ADAMTS17: variants seen among roughly 807,000 people sequenced by gnomAD.
ADAMTS17 encodes the protein A disintegrin and metalloproteinase with thrombospondin motifs 17.
Under a neutral mutation model 141.5 loss-of-function variants are expected in ADAMTS17, and 113 were observed. The ratio of observed to expected loss-of-function variants is 0.80; its 90% CI spans 0.69 to 0.93. The LOEUF is 0.93. Ranked by LOEUF, ADAMTS17 falls within the 40% of genes least tolerant of loss-of-function variation. ADAMTS17 has a pLI of 0.00. For synonymous variants in ADAMTS17, 768 were observed against 630.6 expected (o/e 1.22, Z -3.27); for missense variants, 1,659 against 1,517.9 (o/e 1.09, Z -1.54).
Position 99,971,524 on chromosome 15 carries a change from G to T in ADAMTS17, c.*2878C>A, listed in dbSNP as rs886050950. The T allele has an allele frequency of 6.6e-6, 1 of 152,148 alleles. No individual in the cohort carries two copies. Among genetic ancestry groups the T allele is most frequent in the Non-Finnish European group, 1.5e-5 (1 of 68,044 alleles). The allele number at this position is 152,148 out of a possible 1,614,324, so 9.4% of individuals were successfully genotyped here. The stretch of plus-strand genomic sequence containing the variant: ...CTATATAATTTTCATGTATAATGGC[G>T]TCCAATGTTTGTCTTCCGTTTTTTT... On this transcript the variant is annotated 3_prime_UTR_variant, in exon 22 of 22. Transcript: ENST00000268070.
intron 7 of ADAMTS17, among the ~76,000 whole-genome samples, chr15:100,237,910 C>T (rs2042709142): frequency 6.6e-6 from 1 of 152,278 alleles, no homozygotes; most frequent in African/African-American, 2.4e-5. Flanking sequence ...AGGTGTGAGC[C>T]CACTGTGCCC....
At chr15:100,301,323 T>TTATATA (rs140913683) in intron 3 of ADAMTS17, among the ~76,000 whole-genome samples, 9 of 145,924 alleles carry the variant, frequency 6.2e-5, no homozygotes, top group Non-Finnish European at 1.3e-4. Context: ...TCTATGTGAG[T>TTATATA]TATATATATA....
intron 8 of ADAMTS17, among the ~76,000 whole-genome samples, chr15:100,182,913 G>T (rs1392252152): frequency 6.6e-6 from 1 of 152,092 alleles, no homozygotes; most frequent in Admixed American, 6.6e-5. Flanking sequence ...CACTTAATTG[G>T]GATGTTTTCG....
intron 18 of ADAMTS17, among the ~76,000 whole-genome samples, chr15:100,001,390 G>A (rs924999938): frequency 1.3e-5 from 2 of 150,170 alleles, no homozygotes; most frequent in African/African-American, 4.9e-5. Flanking sequence ...AGTGGTTGGA[G>A]CACAGAGAAT....
At chr15:100,167,313 AG>A (rs1323094206) in intron 8 of ADAMTS17, among the ~76,000 whole-genome samples, 5 of 152,232 alleles carry the variant, frequency 3.3e-5, no homozygotes, top group Non-Finnish European at 7.3e-5. Flanking sequence ...ATTAGTGGCC[AG>A]GTGTAGACAT....
chr15:100,299,691 G>A (rs1209742874), intron 3 of ADAMTS17, among the ~76,000 whole-genome samples: 1 of 152,112 alleles, frequency 6.6e-6, no homozygotes, highest in Non-Finnish European at 1.5e-5. Flanking sequence ...TTGACAGATG[G>A]TCTTTCATCT....
At chr15:100,101,311 T>A (rs568142029) in intron 14 of ADAMTS17, among the ~76,000 whole-genome samples, 1 of 152,358 alleles carries the variant, frequency 6.6e-6, no homozygotes, top group African/African-American at 2.4e-5. Flanking sequence ...AATGATCACG[T>A]TTGTGAGCTG....
At chr15:100,041,443 C>T (rs2031245512) in intron 18 of ADAMTS17, among the ~76,000 whole-genome samples, 1 of 152,256 alleles carries the variant, frequency 6.6e-6, no homozygotes, top group South Asian at 2.1e-4. Flanking sequence ...GACGTGTCCA[C>T]TTCATTGGCA....
chr15:100,124,968 G>A (rs2037654607), intron 12 of ADAMTS17, among the ~76,000 whole-genome samples: 2 of 152,330 alleles, frequency 1.3e-5, no homozygotes, highest in East Asian at 1.9e-4. Flanking sequence ...GGATGGACAG[G>A]TAGAATCAAG....
intron 3 of ADAMTS17, among the ~76,000 whole-genome samples, chr15:100,326,613 T>C (rs2045909047): frequency 6.6e-6 from 1 of 152,242 alleles, no homozygotes; most frequent in Non-Finnish European, 1.5e-5. Context: ...AAGTGTGTGA[T>C]GGCTGGCAAA....
chr15:100,226,804 T>C (rs2042325938), intron 7 of ADAMTS17, among the ~76,000 whole-genome samples: 1 of 152,160 alleles, frequency 6.6e-6, no homozygotes, highest in African/African-American at 2.4e-5. Context: ...GAGAATTCAT[T>C]GGTTGGTTTG....
chr15:100,289,524 ACACACATACACACATACACACACT>A lies in ADAMTS17; in HGVS notation c.617-8147_617-8124del, dbSNP rs1453048590. On this transcript the variant is annotated intron_variant, in intron 3 of 21. Transcript: ENST00000268070. ...ATTCTGATGCCAAAACCTTGCAGAC[ACACACATACACACATACACACACT>A]CACACACACACACACACACACACTC... Among the ~76,000 whole-genome samples, 3 of 138,126 alleles carry A rather than the reference ACACACATACACACATACACACACT, an allele frequency of 2.2e-5. No individual in the cohort carries two copies. The Admixed American group carries it at 2.2e-4, about 10-fold the overall frequency. 90.6% of individuals were successfully genotyped at this position (138,126 alleles called of 152,430 possible).
At position 100,267,849 on chromosome 15, in the gene ADAMTS17, C is replaced by G. The variant is rs370989957; in HGVS notation, c.790-5414G>C. ...ATCAGGGTAAACAGAGTACCTATCA[C>G]CTTAAGCATTTATCCTTTGTCTTAC... On this transcript the variant is annotated intron_variant, in intron 4 of 21. Coordinates refer to ENST00000268070, the MANE Select transcript of ADAMTS17 (RefSeq NM_139057.4). Among the ~76,000 whole-genome samples, 4 of 152,316 alleles carry G rather than the reference C, an allele frequency of 2.6e-5. No individual in the cohort carries two copies. In the South Asian group the frequency reaches 8.3e-4, roughly 32 times the overall value.
intron 18 of ADAMTS17, among the ~76,000 whole-genome samples, chr15:100,042,746 C>T: frequency 6.6e-6 from 1 of 152,174 alleles, no homozygotes. Context: ...GGGGATGATT[C>T]ACGTCCTGGG....
intron 15 of ADAMTS17, among the ~76,000 whole-genome samples, chr15:100,066,514 T>C (rs565004450): frequency 6.6e-6 from 1 of 152,330 alleles, no homozygotes; most frequent in South Asian, 2.1e-4. Flanking sequence ...CTTAAATCCA[T>C]GTGAAGGTCC....
At chr15:100,306,448 A>G (rs2045229076) in intron 3 of ADAMTS17, 1 of 455,870 alleles carries the variant, frequency 2.2e-6, no homozygotes. Flanking sequence ...GGCCACAGGT[A>G]GACGCTCCAC....
intron 18 of ADAMTS17, among the ~76,000 whole-genome samples, 194 bp downstream of exon 18, chr15:100,048,663 G>A (rs2031902256): frequency 7.0e-6 from 1 of 142,952 alleles, no homozygotes; most frequent in Non-Finnish European, 1.5e-5. Flanking sequence ...TTCCAGTGAA[G>A]GTTGTATTTC....
chr15:100,253,489 C>G (rs533929259), intron 7 of ADAMTS17, among the ~76,000 whole-genome samples: 19 of 13,692 alleles, frequency 1.4e-3, no homozygotes, highest in African/African-American at 8.2e-3. Context: ...GGGAGGGGAA[C>G]GTAGAGGGGG....
At chr15:100,122,343 C>T (rs990006184) in intron 12 of ADAMTS17, among the ~76,000 whole-genome samples, 20 of 152,164 alleles carry the variant, frequency 1.3e-4, no homozygotes, top group African/African-American at 3.4e-4. Flanking sequence ...TTATTTTGAA[C>T]GACATGAGAA....
Sources: allele counts gnomAD v4.1 joint callset (sites outside exome capture counted in the v4.1 genomes callset), GRCh38; gene constraint gnomAD v4.1.1; transcripts MANE v1.5; gene names NCBI Gene and HGNC (gene_info 2026-07-23, HGNC 2026-07-21).